Variants in MPDZ observed in about 807,000 individuals in gnomAD.
MPDZ encodes the protein multiple PDZ domain crumbs cell polarity complex component.
In MPDZ, 234 loss-of-function variants were observed where a neutral mutation model predicts 239.1. That is an observed-to-expected ratio of 0.98 (90% CI 0.88 to 1.09). The LOEUF is 1.09. MPDZ is among the 50% of genes least tolerant of loss of function. The probability of loss-of-function intolerance (pLI) is 0.00; values close to 1 mark genes in which losing one functional copy is unlikely to be tolerated. For synonymous variants in MPDZ, 1,048 were observed against 881.3 expected (o/e 1.19, Z -3.35); for missense variants, 3,175 against 2,510.0 (o/e 1.26, Z -5.66).
chr9:13,233,098 C>A (rs1053272893), intron 3 of MPDZ, among the ~76,000 whole-genome samples: 4 of 152,036 alleles, frequency 2.6e-5, no homozygotes, highest in African/African-American at 9.7e-5. Context: ...CACTAAATAT[C>A]GTGAGAGAGT....
At chr9:13,172,996 C>T (rs911321989) in intron 21 of MPDZ, among the ~76,000 whole-genome samples, 1 of 152,088 alleles carries the variant, frequency 6.6e-6, no homozygotes, top group African/African-American at 2.4e-5. Flanking sequence ...CATGGATGAA[C>T]CTAAAAGACA....
Position 13,168,464 on chromosome 9 carries a change from G to A in MPDZ, c.3156C>T (p.Asp1052=). ...ISRDGRIAIG[D]CILSINEEST... Reference sequence around the variant, plus strand: ...ACTCTTCATTAATGGACAAGATGCAGTCCCCAATGGCAATCCGGCCATCTC... The same window carrying A: ...ACTCTTCATTAATGGACAAGATGCAATCCCCAATGGCAATCCGGCCATCTC... Residue 1052 remains aspartate, a synonymous_variant, in exon 22 of 47, where the codon GAC becomes GAT. Coordinates refer to ENST00000319217, the MANE Select transcript of MPDZ (RefSeq NM_001378778.1). The A allele has an allele frequency of 6.2e-7, 1 of 1,613,462 alleles. No homozygotes were observed. Among genetic ancestry groups the A allele is most frequent in the Non-Finnish European group, 8.5e-7 (1 of 1,179,572 alleles).
chr9:13,214,541 G>A lies in MPDZ; in HGVS notation c.1290+2233C>T, dbSNP rs112232364. Among the ~76,000 whole-genome samples, 387 of 152,062 alleles carry A rather than the reference G, an allele frequency of 2.5e-3. 2 individuals carry two copies. The highest frequency in any genetic ancestry group is 9.0e-3 in the African/African-American group (375 of 41,502). The stretch of plus-strand genomic sequence containing the variant: ...TGAATACACTAAAAGCTACTGTACT[G>A]TACATTTTAAATGGGTGAATTGTAT... On this transcript the variant is annotated intron_variant, in intron 10 of 46. Transcript: ENST00000319217.
At chr9:13,219,866 T>A (rs1332563088) in intron 7 of MPDZ, 98 bp from the exon 8 acceptor site, 2 of 1,149,666 alleles carry the variant, frequency 1.7e-6, no homozygotes, top group East Asian at 2.6e-5. Context: ...AGCAATAATA[T>A]GAGTTACCAA....
chr9:13,254,195 A>C (rs1968837117), intron 1 of MPDZ, among the ~76,000 whole-genome samples: 1 of 152,240 alleles, frequency 6.6e-6, no homozygotes, highest in South Asian at 2.1e-4. Flanking sequence ...TAGTCAAATT[A>C]GCCAACTGTT....
At chr9:13,157,913 C>A in intron 24 of MPDZ, 105 bp downstream of exon 24, 2 of 898,998 alleles carry the variant, frequency 2.2e-6, no homozygotes, top group Non-Finnish European at 1.8e-6. Context: ...ACAACTCACC[C>A]GATATAACAA....
intron 1 of MPDZ, among the ~76,000 whole-genome samples, chr9:13,265,479 G>A (rs1055719250): frequency 1.3e-5 from 2 of 152,184 alleles, no homozygotes; most frequent in Admixed American, 1.3e-4. Flanking sequence ...TGAGGCAGCA[G>A]AATCACTTGA....
intron 10 of MPDZ, among the ~76,000 whole-genome samples, chr9:13,215,253 T>C (rs930768114): frequency 5.3e-5 from 8 of 151,878 alleles, no homozygotes; most frequent in Admixed American, 4.6e-4. Flanking sequence ...TAGCATAATG[T>C]CCTCAAGGTT....
rs1447073507 is a variant in MPDZ, at chr9:13,125,239, G to A, written c.4784C>T (p.Ser1595Phe). The A allele has an allele frequency of 1.2e-6, 2 of 1,606,374 alleles. No homozygotes were observed. Among genetic ancestry groups the A allele is most frequent in the South Asian group, 1.1e-5 (1 of 90,434 alleles). ...SQSLMVPQSG[S>F]PEPESIRNTS... Reference sequence around the variant, plus strand: ...ACTTCGGATGGACTCCGGTTCTGGGGAGCCAGACTGTGGGACCATCAGAGA... The same window carrying A: ...ACTTCGGATGGACTCCGGTTCTGGGAAGCCAGACTGTGGGACCATCAGAGA... Residue 1595 changes from serine to phenylalanine, a missense_variant, in exon 35 of 47, where the codon TCC (serine) becomes TTC (phenylalanine). Transcript: ENST00000319217.
At chr9:13,137,641 T>C (rs1040116228) in intron 29 of MPDZ, among the ~76,000 whole-genome samples, 1 of 152,132 alleles carries the variant, frequency 6.6e-6, no homozygotes, top group African/African-American at 2.4e-5. Flanking sequence ...GACTGGTCAC[T>C]TGGCTTTTCA....
At chr9:13,260,787 GCAGAACCCTAC>G (rs1367755076) in intron 1 of MPDZ, among the ~76,000 whole-genome samples, 5 of 152,174 alleles carry the variant, frequency 3.3e-5, no homozygotes, top group Non-Finnish European at 7.3e-5. Context: ...CTCATCAGAA[GCAGAACCCTAC>G]CAGACCTTGA....
At chr9:13,117,518 G>A (rs1461684489) in intron 39 of MPDZ, among the ~76,000 whole-genome samples, 12 of 139,600 alleles carry the variant, frequency 8.6e-5, no homozygotes, top group African/African-American at 2.7e-4. Context: ...GCAACAGAGC[G>A]GGACTCCGTC....
intron 21 of MPDZ, among the ~76,000 whole-genome samples, chr9:13,173,669 C>T (rs1162767139): frequency 1.3e-5 from 2 of 150,642 alleles, no homozygotes; most frequent in African/African-American, 4.9e-5. Flanking sequence ...CATGCCACTG[C>T]ACTGCAGCCT....
At chr9:13,243,081 T>A (rs1035115556) in intron 3 of MPDZ, among the ~76,000 whole-genome samples, 1 of 152,226 alleles carries the variant, frequency 6.6e-6, no homozygotes, top group East Asian at 1.9e-4. Flanking sequence ...CCATTTTCCA[T>A]GCTGTTGCCT....
chr9:13,279,359 G>A (rs1201741538), intron 1 of MPDZ, 41 bp downstream of exon 1: 1 of 143,696 alleles, frequency 7.0e-6, no homozygotes, highest in Non-Finnish European at 1.5e-5. Context: ...GGGCGCGGGG[G>A]CGCGCCTCGG....
intron 4 of MPDZ, 144 bp downstream of exon 4, chr9:13,224,230 T>C: frequency 4.4e-6 from 3 of 687,272 alleles, no homozygotes; most frequent in Middle Eastern, 3.9e-4. Flanking sequence ...GTCTGAACCA[T>C]CTAAACTCCC....
intron 3 of MPDZ, among the ~76,000 whole-genome samples, chr9:13,243,411 T>C (rs1056596890): frequency 6.6e-6 from 1 of 151,726 alleles, no homozygotes; most frequent in Non-Finnish European, 1.5e-5. Context: ...AATGACATAC[T>C]CAATTTTAGT....
intron 21 of MPDZ, among the ~76,000 whole-genome samples, chr9:13,169,083 A>G (rs923534632): frequency 6.6e-6 from 1 of 152,200 alleles, no homozygotes; most frequent in African/African-American, 2.4e-5. Flanking sequence ...AGCATAGCAC[A>G]GAATTCCTAA....
chr9:13,230,147 G>A (rs777756819), intron 3 of MPDZ, among the ~76,000 whole-genome samples: 1 of 152,088 alleles, frequency 6.6e-6, no homozygotes, highest in Non-Finnish European at 1.5e-5. Context: ...ATATCACTGC[G>A]TACCTATCAG....
Sources: allele counts gnomAD v4.1 joint callset (sites outside exome capture counted in the v4.1 genomes callset), GRCh38; gene constraint gnomAD v4.1.1; transcripts MANE v1.5; gene names NCBI Gene and HGNC (gene_info 2026-07-23, HGNC 2026-07-21).